Variants in CDH2 observed in about 807,000 individuals in gnomAD.
The protein encoded by CDH2 is cadherin-2.
A neutral mutation model predicts 92.0 loss-of-function variants in CDH2; 17 were observed. That is an observed-to-expected ratio of 0.18 (90% CI 0.13 to 0.28). CDH2 has a LOEUF of 0.28. CDH2 is among the 10% of genes least tolerant of loss of function. The pLI, the probability that CDH2 is intolerant of heterozygous loss-of-function variation, is 1.00. For synonymous variants in CDH2, 419 were observed against 415.9 expected (o/e 1.01, Z -0.09); for missense variants, 862 against 1,133.1 (o/e 0.76, Z 3.44).
chr18:28,004,659 A>G (rs1196057875), intron 6 of CDH2, among the ~76,000 whole-genome samples: 1 of 152,184 alleles, frequency 6.6e-6, no homozygotes, highest in Non-Finnish European at 1.5e-5. Context: ...CCAAAAGCCC[A>G]ATGTTTGTTT....
At chr18:28,112,933 C>A (rs372962389) in intron 2 of CDH2, among the ~76,000 whole-genome samples, 20 of 152,122 alleles carry the variant, frequency 1.3e-4, no homozygotes, top group East Asian at 1.2e-3. Context: ...GAGGCCAAAT[C>A]TGTGGACTCA....
chr18:27,973,839 T>G (rs2011738358), intron 14 of CDH2, among the ~76,000 whole-genome samples: 1 of 152,120 alleles, frequency 6.6e-6, no homozygotes, highest in African/African-American at 2.4e-5. Context: ...ATGTAGTGAT[T>G]GCATGGATTT....
At chr18:28,139,099 A>G (rs2015911460) in intron 2 of CDH2, among the ~76,000 whole-genome samples, 1 of 152,084 alleles carries the variant, frequency 6.6e-6, no homozygotes, top group Admixed American at 6.6e-5. Context: ...CATCAAGACA[A>G]AATGAAGAGT....
chr18:28,021,567 C>T (rs573327573), intron 2 of CDH2, among the ~76,000 whole-genome samples: 1 of 151,952 alleles, frequency 6.6e-6, no homozygotes, highest in Non-Finnish European at 1.5e-5. Context: ...ACTGTGTGAA[C>T]ATGATGAACA....
chr18:28,029,098 T>A (rs1313349377), intron 2 of CDH2, among the ~76,000 whole-genome samples: 2 of 152,112 alleles, frequency 1.3e-5, no homozygotes, highest in Non-Finnish European at 2.9e-5. Context: ...AATTATTGCA[T>A]AAACCCTAGA....
chr18:28,125,821 ATCAGTAC>A lies in CDH2; in HGVS notation c.172+21845_172+21851del, dbSNP rs150423263. ...CTCAGGTTTCATTTACAATCCAGAG[ATCAGTAC>A]TCCTGATTACAAAATGCGTTAAGTT... On this transcript the variant is annotated intron_variant, in intron 2 of 15. Coordinates refer to ENST00000269141, the MANE Select transcript of CDH2 (RefSeq NM_001792.5). Among the ~76,000 whole-genome samples, 938 of 151,420 alleles carry A rather than the reference ATCAGTAC, an allele frequency of 6.2e-3. 10 individuals are homozygous for A. Among genetic ancestry groups the A allele is most frequent in the African/African-American group, 0.021 (888 of 41,520 alleles).
chr18:27,990,144 T>A lies in CDH2; in HGVS notation c.1551A>T (p.Thr517=). Residue 517 remains threonine (T), a synonymous_variant, in exon 10 of 16, where the codon ACA becomes ACT. Coordinates refer to ENST00000269141, the MANE Select transcript of CDH2 (RefSeq NM_001792.5). The stretch of plus-strand genomic sequence containing the variant: ...GATCTGGGTCCTGAGCAGTGAATGT[T>A]GTCAACATGGTACCGGCATGAAGCC... ...EEGLHAGTML[T]TFTAQDPDRY... The A allele has an allele frequency of 6.2e-7, 1 of 1,614,110 alleles. No homozygotes were observed. The highest frequency in any genetic ancestry group is 8.5e-7 in the Non-Finnish European group (1 of 1,179,928).
chr18:28,043,261 G>A (rs138252515), intron 2 of CDH2, among the ~76,000 whole-genome samples: 1 of 151,524 alleles, frequency 6.6e-6, no homozygotes, highest in Non-Finnish European at 1.5e-5. Context: ...GGATACAAAG[G>A]CATAAGAATA....
At chr18:28,059,178 T>C (rs1224185083) in intron 2 of CDH2, among the ~76,000 whole-genome samples, 3 of 152,178 alleles carry the variant, frequency 2.0e-5, no homozygotes, top group Admixed American at 6.5e-5. Flanking sequence ...GTCTCTTTGG[T>C]TGGAATGACA....
chr18:28,084,284 C>T (rs2014885858), intron 2 of CDH2, among the ~76,000 whole-genome samples: 2 of 152,152 alleles, frequency 1.3e-5, no homozygotes, highest in African/African-American at 4.8e-5. Flanking sequence ...TGTCACTGAA[C>T]TCTAACACAG....
intron 15 of CDH2, among the ~76,000 whole-genome samples, chr18:27,959,725 T>C (rs2011346964): frequency 6.6e-6 from 1 of 152,212 alleles, no homozygotes; most frequent in Admixed American, 6.5e-5. Flanking sequence ...TCCTTAAAAC[T>C]ATCGTTTTGA....
chr18:27,990,061 G>A (rs767273176), intron 10 of CDH2, 36 bp downstream of exon 10: 3 of 1,595,264 alleles, frequency 1.9e-6, no homozygotes, highest in East Asian at 4.5e-5. Flanking sequence ...TAGAACATAA[G>A]TAAGCTACAA....
At chr18:28,120,262 CAT>C (rs1048982305) in intron 2 of CDH2, among the ~76,000 whole-genome samples, 7 of 151,566 alleles carry the variant, frequency 4.6e-5, no homozygotes, top group Non-Finnish European at 1.0e-4. Context: ...TAATGTGTGT[CAT>C]ATATATATAT....
intron 2 of CDH2, among the ~76,000 whole-genome samples, chr18:28,085,942 G>C (rs2014918936): frequency 6.6e-6 from 1 of 152,098 alleles, no homozygotes; most frequent in Non-Finnish European, 1.5e-5. Flanking sequence ...AACTACCACT[G>C]TACCCATCTT....
chr18:27,941,161 G>A (rs1444416575), intron 6 of CDH2, among the ~76,000 whole-genome samples: 8 of 149,782 alleles, frequency 5.3e-5, no homozygotes, highest in Non-Finnish European at 1.2e-4. Context: ...TCAGCCTCCC[G>A]AGCAGCTGGG....
intron 2 of CDH2, among the ~76,000 whole-genome samples, chr18:28,106,039 C>G (rs915615053): frequency 6.6e-6 from 1 of 152,226 alleles, no homozygotes; most frequent in Non-Finnish European, 1.5e-5. Context: ...CACAAGTTCT[C>G]TGCTCAGGCA....
At chr18:28,056,983 T>C (rs2014305375) in intron 2 of CDH2, among the ~76,000 whole-genome samples, 1 of 152,216 alleles carries the variant, frequency 6.6e-6, no homozygotes, top group African/African-American at 2.4e-5. Context: ...TGAATTATTG[T>C]ATGACACAGA....
intron 2 of CDH2, among the ~76,000 whole-genome samples, chr18:28,119,743 A>G (rs1223666827): frequency 2.0e-5 from 3 of 152,122 alleles, no homozygotes; most frequent in Non-Finnish European, 4.4e-5. Context: ...CACAATAAAA[A>G]GTGCATTTCT....
intron 14 of CDH2, among the ~76,000 whole-genome samples, chr18:27,976,903 G>C (rs573727917): frequency 3.0e-4 from 46 of 152,264 alleles, no homozygotes; most frequent in Middle Eastern, 6.8e-3. Flanking sequence ...GGCTGAAAGG[G>C]GATGGTCCCA....
Sources: gnomAD v4.1 joint callset for allele counts (sites outside exome capture counted in the v4.1 genomes callset) on GRCh38, gnomAD v4.1.1 for gene constraint, MANE v1.5 for transcripts, NCBI Gene and HGNC (gene_info 2026-07-23, HGNC 2026-07-21) for gene names.